TRA2B: variants seen among roughly 807,000 people sequenced by gnomAD.
TRA2B encodes the protein transformer-2 protein homolog beta.
In TRA2B, 14 loss-of-function variants were observed where a neutral mutation model predicts 41.7. That is an observed-to-expected ratio of 0.34 (90% CI 0.22 to 0.53). The LOEUF (loss-of-function observed/expected upper bound fraction) is 0.53, where lower values mean the gene tolerates loss of function less well. Among genes scored for constraint, TRA2B ranks in the 20% least tolerant of loss-of-function variants. The pLI, the probability that TRA2B is intolerant of heterozygous loss-of-function variation, is 0.95. For synonymous variants in TRA2B, 130 were observed against 128.8 expected, an observed-to-expected ratio of 1.01 and a Z score of -0.06; for missense variants, 167 against 396.8, an observed-to-expected ratio of 0.42 and a Z score of 4.92.
At chr3:185,924,962 C>G (rs549366249) in intron 3 of TRA2B, 1 of 151,358 alleles carries the variant, frequency 6.6e-6, no homozygotes, top group Admixed American at 6.6e-5. Flanking sequence ...AACATTAAGT[C>G]CCCCCCTGCA....
chr3:185,925,578 A>AGACCGT lies in TRA2B; in HGVS notation c.213_218dup (p.Arg76_Ser77dup). ...GTGATCGTCTATGGGAGCGGGAGCGAGACCGTGACCGGGTATAATGCCTTC... is the reference window on the plus strand; with the variant it reads ...GTGATCGTCTATGGGAGCGGGAGCGAGACCGTGACCGTGACCGGGTATAATGCCTTC... On this transcript the variant is annotated inframe_insertion, in exon 3 of 9. Transcript: ENST00000453386. 6.2e-7 allele frequency: 1 copy of AGACCGT among 1,613,832 alleles called. No individual in the cohort carries two copies. Among genetic ancestry groups the AGACCGT allele is most frequent in the Non-Finnish European group, 8.5e-7 (1 of 1,179,680 alleles).
intron 2 of TRA2B, 115 bp downstream of exon 2, chr3:185,926,486 C>T (rs1743958381): frequency 7.3e-7 from 1 of 1,375,708 alleles, no homozygotes. Flanking sequence ...ACTTCTAGTA[C>T]CAATATTTAA....
chr3:185,926,844 G>A (rs1450301504), intron 1 of TRA2B, 110 bp from the exon 2 acceptor site: 5 of 1,339,872 alleles, frequency 3.7e-6, no homozygotes, highest in Admixed American at 2.2e-5. Context: ...TCCAAGATAA[G>A]AAAATATAGG....
At chr3:185,919,211 C>CAT (rs1328592855) in intron 7 of TRA2B, among the ~76,000 whole-genome samples, 2 of 151,494 alleles carry the variant, frequency 1.3e-5, no homozygotes, top group Non-Finnish European at 2.9e-5. Flanking sequence ...CACTGTACCT[C>CAT]ATCACGGTAT....
At chr3:185,937,747 G>T in intron 1 of TRA2B, 78 bp downstream of exon 1, 5 of 1,600,620 alleles carry the variant, frequency 3.1e-6, no homozygotes, top group Non-Finnish European at 3.4e-6. Context: ...CCTGCCTCCT[G>T]GCCCGAGGCC....
At chr3:185,921,451 T>C (rs1357073015) in intron 5 of TRA2B, among the ~76,000 whole-genome samples, 1 of 152,078 alleles carries the variant, frequency 6.6e-6, no homozygotes, top group Non-Finnish European at 1.5e-5. Context: ...GAAACAAAAA[T>C]AGTATCACTT....
chr3:185,918,413 T>C lies in TRA2B; in HGVS notation c.808A>G (p.Ser270Gly). 2 of 1,613,716 alleles carry C rather than the reference T, an allele frequency of 1.2e-6. No homozygotes were observed. The highest frequency in any genetic ancestry group is 2.2e-5 in the East Asian group (1 of 44,858). Residue 270 changes from serine (S) to glycine (G), a missense_variant, in exon 8 of 9, where the codon AGT (serine) becomes GGT (glycine). Physicochemically the swap from Ser to Gly is moderately conservative, Grantham distance 56. Around this residue, in one of 5 missense-constraint regions of TRA2B, gnomAD observed 30 missense variants for 46.7 expected, o/e 0.64. Transcript: ENST00000453386. ...GAACGTGATCTGTATCCTCCACGAC[T>C]ATAGTAAGGAGAAGGTGACCGCCTT... ...YRRRSPSPYY[S>G]RGGYRSRSRS...
chr3:185,922,910 C>T (rs1192870544), intron 4 of TRA2B: 2 of 152,182 alleles, frequency 1.3e-5, no homozygotes, highest in South Asian at 2.1e-4. Flanking sequence ...TACGCCCAGG[C>T]AGTTTCTGGC....
At position 185,935,344 on chromosome 3, in the gene TRA2B, A is replaced by AG. The variant is rs1491545949; in HGVS notation, c.36+2480dup. On this transcript the variant is annotated intron_variant, in intron 1 of 8. Coordinates refer to ENST00000453386, the MANE Select transcript of TRA2B (RefSeq NM_004593.3). Reference sequence around the variant, plus strand: ...TTAGTGTTAATCTATTACCTTTGAGAGGGGGGAAAAAATAAATCCCACAGA... The same window carrying AG: ...TTAGTGTTAATCTATTACCTTTGAGAGGGGGGGAAAAAATAAATCCCACAGA... 6 of 977,292 alleles carry AG rather than the reference A, an allele frequency of 6.1e-6. No homozygotes were observed. The African/African-American group carries it at 7.0e-5, about 11-fold the overall frequency. The allele number at this position is 977,292 out of a possible 1,614,324, so 60.5% of individuals were successfully genotyped here. A position where few individuals can be genotyped will look rare whatever the true frequency, so the allele number is the denominator to read the frequency against.
chr3:185,926,518 C>A (rs2150115518), intron 2 of TRA2B, 83 bp downstream of exon 2: 1 of 1,555,888 alleles, frequency 6.4e-7, no homozygotes, highest in Non-Finnish European at 8.8e-7. Context: ...ATAATCTAAC[C>A]CTCTCTACCT....
chr3:185,920,145 C>T (rs549824553), intron 6 of TRA2B, among the ~76,000 whole-genome samples: 1 of 151,140 alleles, frequency 6.6e-6, no homozygotes, highest in African/African-American at 2.5e-5. Context: ...AAATAAAAAG[C>T]CACATACCCT....
chr3:185,932,020 C>A lies in TRA2B; in HGVS notation c.37-5286G>T, dbSNP rs963025250. Among the ~76,000 whole-genome samples the A allele has an allele frequency of 5.3e-5, 8 of 151,230 alleles. No individual in the cohort carries two copies. In the South Asian group the frequency reaches 1.5e-3, roughly 28 times the overall value. ...AAACTGAAAACTACATAGTTTTCTG[C>A]TGGTTCTAGAATATATGGTAATCTC... On this transcript the variant is annotated intron_variant, in intron 1 of 8. Transcript: ENST00000453386.
rs893775999 is a variant in TRA2B at position 185,918,137 on chromosome 3, G to A, written c.856+228C>T. 3.9e-5 allele frequency among the ~76,000 whole-genome samples: 6 copies of A among 152,154 alleles called. No individual in the cohort carries two copies. In the East Asian group the frequency reaches 1.2e-3, roughly 29 times the overall value. On this transcript the variant is annotated intron_variant, in intron 8 of 8. Coordinates refer to ENST00000453386, the MANE Select transcript of TRA2B (RefSeq NM_004593.3). Reference sequence around the variant, plus strand: ...TCAGTTAGAAACAACAGGAGTCTCCGAGCCTACTCTGGCTCAGGAGGCTGT... The same window carrying A: ...TCAGTTAGAAACAACAGGAGTCTCCAAGCCTACTCTGGCTCAGGAGGCTGT...
chr3:185,925,836 A>C (rs1342929740), intron 2 of TRA2B, among the ~76,000 whole-genome samples: 1 of 152,248 alleles, frequency 6.6e-6, no homozygotes, highest in South Asian at 2.1e-4. Context: ...GCTCTCCTCC[A>C]GTATTTCTTC....
At chr3:185,919,320 C>T (rs1332168512) in intron 7 of TRA2B, 117 bp downstream of exon 7, 8 of 719,702 alleles carry the variant, frequency 1.1e-5, no homozygotes, top group Non-Finnish European at 1.8e-5. Flanking sequence ...TTTTCATGAG[C>T]TTCAAACAGT....
At chr3:185,934,943 A>G in intron 1 of TRA2B, 1 of 985,426 alleles carries the variant, frequency 1.0e-6, no homozygotes, top group Middle Eastern at 5.2e-4. Context: ...TCCATACATC[A>G]GTGTCTCCTT....
At chr3:185,934,664 A>G in intron 1 of TRA2B, 2 of 985,362 alleles carry the variant, frequency 2.0e-6, no homozygotes, top group South Asian at 9.4e-5. Flanking sequence ...AAAGAAGTAG[A>G]TTCAGAGATG....
chr3:185,927,392 GA>G (rs1267160387), intron 1 of TRA2B: 2 of 152,144 alleles, frequency 1.3e-5, no homozygotes, highest in Admixed American at 6.5e-5. Context: ...AGCTACAACA[GA>G]ACAGCGAACT....
intron 3 of TRA2B, chr3:185,924,255 T>C (rs1466975148): frequency 3.5e-6 from 1 of 285,746 alleles, no homozygotes; most frequent in Non-Finnish European, 6.4e-6. Context: ...GCATCTTTCC[T>C]TCTATGAATT....
Sources: gnomAD v4.1 joint callset for allele counts (sites outside exome capture counted in the v4.1 genomes callset) on GRCh38, gnomAD v4.1.1 for gene constraint, gnomAD v4.1.1 regional missense constraint, MANE v1.5 for transcripts, NCBI Gene and HGNC (gene_info 2026-07-23, HGNC 2026-07-21) for gene names.